ZNF460: variants seen among roughly 807,000 people sequenced by gnomAD.
ZNF460 encodes zinc finger protein 460.
Under a neutral mutation model 8.4 loss-of-function variants are expected in ZNF460, and 1 was observed. That is an observed-to-expected ratio of 0.12 (90% confidence interval 0.04 to 0.56). The LOEUF (loss-of-function observed/expected upper bound fraction) is 0.56, where lower values mean the gene tolerates loss of function less well. Among genes scored for constraint, ZNF460 ranks in the 20% least tolerant of loss-of-function variants. The pLI is 0.91. For missense variants in ZNF460, 477 were observed against 714.8 expected (o/e 0.67, Z 3.79); for synonymous variants, 262 against 259.9 (o/e 1.01, Z -0.08).
In ZNF460 at chr19:57,283,861, C is replaced by T. The variant is rs148695454; in HGVS notation, c.31-690C>T. On this transcript the variant is annotated intron_variant, in intron 1 of 2. Transcript: ENST00000360338. Reference sequence around the variant, plus strand: ...TATTGACCTGGAAATGGAGGCTCGGCGAAATGAAATGAGGTCCCCAAGGTC... The same window carrying T: ...TATTGACCTGGAAATGGAGGCTCGGTGAAATGAAATGAGGTCCCCAAGGTC... 2.0e-3 allele frequency among the ~76,000 whole-genome samples: 305 copies of T among 152,064 alleles called. 1 individual carries two copies. Among genetic ancestry groups the T allele is most frequent in the East Asian group, 9.5e-3 (49 of 5,158 alleles).
At chr19:57,288,463 G>A (rs1264651612) in intron 2 of ZNF460, among the ~76,000 whole-genome samples, 6 of 152,260 alleles carry the variant, frequency 3.9e-5, no homozygotes, top group South Asian at 2.1e-4. Context: ...CAAATGTAAC[G>A]GGATTACAGG....
upstream of ZNF460, chr19:57,280,297 G>T: frequency 6.4e-6 from 1 of 156,586 alleles, no homozygotes. Flanking sequence ...GGATGCGCTG[G>T]GTGAGTTCCC....
At chr19:57,288,462 C>T (rs1165873300) in intron 2 of ZNF460, among the ~76,000 whole-genome samples, 1 of 152,150 alleles carries the variant, frequency 6.6e-6, no homozygotes, top group Non-Finnish European at 1.5e-5. Context: ...CCAAATGTAA[C>T]GGGATTACAG....
In ZNF460 at chr19:57,292,136, T is replaced by C; in HGVS notation, c.1595T>C (p.Val532Ala). The C allele has an allele frequency of 6.2e-7, 1 of 1,614,192 alleles. No individual in the cohort carries two copies. The highest frequency in any genetic ancestry group is 8.5e-7 in the Non-Finnish European group (1 of 1,180,036). ...ATCATCCACACTGAGAGTAGCCCAG[T>C]GAGTGCAGTGAATATGGAAACGCCT... is the stretch of plus-strand genomic sequence containing the variant. ...HSIIHTESSP[V>A]SAVNMETPSI... The change falls in exon 3 of 3, where the codon GTG becomes GCG. Residue 532 changes from valine to alanine, a missense_variant. Val to Ala is a moderately conservative substitution (Grantham distance 64). Around this residue, in one of 5 missense-constraint regions of ZNF460, gnomAD observed 83 missense variants for 82.3 expected, o/e 1.01. Transcript: ENST00000360338.
At chr19:57,286,058 T>C (rs973241999) in intron 2 of ZNF460, among the ~76,000 whole-genome samples, 3 of 152,248 alleles carry the variant, frequency 2.0e-5, no homozygotes, top group African/African-American at 7.2e-5. Flanking sequence ...TGCCTCAATT[T>C]TCTCATGGGT....
intron 2 of ZNF460, among the ~76,000 whole-genome samples, chr19:57,286,687 A>C (rs2087881632): frequency 6.6e-6 from 1 of 152,034 alleles, no homozygotes; most frequent in Admixed American, 6.6e-5. Context: ...CCAGGCCAGG[A>C]GTGGTGGCTC....
intron 1 of ZNF460, among the ~76,000 whole-genome samples, chr19:57,282,520 G>A (rs1271524356): frequency 1.3e-5 from 2 of 152,214 alleles, no homozygotes; most frequent in African/African-American, 4.8e-5. Context: ...TCTTTGGTGA[G>A]GTGGATGATG....
rs969326878 is a variant in ZNF460 at position 57,280,567 on chromosome 19, C to T, written c.-240C>T. On this transcript the variant is annotated 5_prime_UTR_variant, in exon 1 of 3. Coordinates refer to ENST00000360338, the MANE Select transcript of ZNF460 (RefSeq NM_006635.4). ...GGGTAGTGAAGCGGTTACGCCCCTT[C>T]TTCGCGTCTTGGCGGGAGCCTGACG... 3.4e-6 allele frequency: 2 copies of T among 589,198 alleles called. No homozygotes were observed. Among genetic ancestry groups the T allele is most frequent in the Non-Finnish European group, 6.0e-6 (2 of 332,102 alleles). 36.5% of individuals were successfully genotyped at this position (589,198 alleles called of 1,614,324 possible). A position where few individuals can be genotyped will look rare whatever the true frequency, so the allele number is the denominator to read the frequency against.
rs1382183694 is a variant in ZNF460, at chr19:57,292,158, G to A, written c.1617G>A (p.Thr539=). 4 of 1,614,040 alleles carry A rather than the reference G, an allele frequency of 2.5e-6. No homozygotes were observed. The highest frequency in any genetic ancestry group is 2.2e-5 in the East Asian group (1 of 44,884). Residue 539 remains threonine (T), a synonymous_variant, in exon 3 of 3, where the codon ACG becomes ACA. Transcript: ENST00000360338. ...CAGTGAGTGCAGTGAATATGGAAAC[G>A]CCTTCAATTGCCGCTCATTCCTCCT... is the stretch of plus-strand genomic sequence containing the variant. ...SSPVSAVNME[T]PSIAAHSSSL...
At chr19:57,284,415 A>G (rs74345217) in intron 1 of ZNF460, 136 bp from the exon 2 acceptor site, 43,568 of 1,074,486 alleles carry the variant, frequency 0.041, 1,184 homozygotes, top group Admixed American at 0.052. Flanking sequence ...ATCCTAGCAC[A>G]GATCTTGGCC....
Position 57,292,092 on chromosome 19 carries a change from A to C in ZNF460, c.1551A>C (p.Thr517=). 6.2e-7 allele frequency: 1 copy of C among 1,614,220 alleles called. No homozygotes were observed. Among genetic ancestry groups the C allele is most frequent in the Non-Finnish European group, 8.5e-7 (1 of 1,180,034 alleles). ...IQSGNVSCES[T]DLIQHSIIHT... ...GTGGGAACGTTTCTTGTGAGAGCACAGATCTCATTCAACACTCCATCATCC... is the reference window on the plus strand; with the variant it reads ...GTGGGAACGTTTCTTGTGAGAGCACCGATCTCATTCAACACTCCATCATCC... The change falls in exon 3 of 3, where the codon ACA becomes ACC. Residue 517 remains threonine (T), a synonymous_variant. Coordinates refer to ENST00000360338, the MANE Select transcript of ZNF460 (RefSeq NM_006635.4).
At chr19:57,289,741 G>A (rs976948000) in intron 2 of ZNF460, among the ~76,000 whole-genome samples, 1 of 151,926 alleles carries the variant, frequency 6.6e-6, no homozygotes, top group African/African-American at 2.4e-5. Context: ...GGTGGGTCAC[G>A]CCTGTAATCC....
chr19:57,283,591 T>A (rs1326687546), intron 1 of ZNF460, among the ~76,000 whole-genome samples: 4 of 137,276 alleles, frequency 2.9e-5, no homozygotes, highest in African/African-American at 1.1e-4. Context: ...AACCTCTGCC[T>A]CCCAGGTTCA....
At chr19:57,287,224 A>G (rs1190745531) in intron 2 of ZNF460, among the ~76,000 whole-genome samples, 1 of 152,142 alleles carries the variant, frequency 6.6e-6, no homozygotes, top group African/African-American at 2.4e-5. Context: ...TGAGGTGTTT[A>G]TATACAGTCG....
intron 2 of ZNF460, among the ~76,000 whole-genome samples, chr19:57,289,161 A>T (rs566127276): frequency 7.2e-5 from 11 of 152,142 alleles, no homozygotes; most frequent in Non-Finnish European, 1.6e-4. Context: ...CTTTTTCAAG[A>T]TCCAGTTGTT....
rs2087865363 is a variant in ZNF460 at position 57,284,533 on chromosome 19, T to G, written c.31-18T>G. The G allele has an allele frequency of 1.2e-6, 2 of 1,608,134 alleles. No homozygotes were observed. Among genetic ancestry groups the G allele is most frequent in the Admixed American group, 1.7e-5 (1 of 58,310 alleles). ...ACAGTTGCAAAGGAAACATTACTGG[T>G]TCTTTTTGACTTTTCAGGAGTCTGT... On this transcript the variant is annotated intron_variant, in intron 1 of 2. Transcript: ENST00000360338.
Position 57,280,745 on chromosome 19 carries a change from C to T in ZNF460, c.-62C>T. The T allele has an allele frequency of 6.2e-7, 1 of 1,606,046 alleles. No individual in the cohort carries two copies. Among genetic ancestry groups the T allele is most frequent in the Non-Finnish European group, 8.5e-7 (1 of 1,175,918 alleles). On this transcript the variant is annotated 5_prime_UTR_variant, in exon 1 of 3. Transcript: ENST00000360338. ...CTGAGGCTCGGAGTGCGAAAGTCAGCCGAGGTCGCCCCGCCCAGGACAGAG... is the reference window on the plus strand; with the variant it reads ...CTGAGGCTCGGAGTGCGAAAGTCAGTCGAGGTCGCCCCGCCCAGGACAGAG...
Position 57,280,704 on chromosome 19 carries a change from T to G in ZNF460, c.-103T>G. On this transcript the variant is annotated 5_prime_UTR_variant, in exon 1 of 3. It adds an upstream start codon to the 5' untranslated region. Coordinates refer to ENST00000360338, the MANE Select transcript of ZNF460 (RefSeq NM_006635.4). ...GCTGCGCCTTGGGCCTTGTGCGCAT[T>G]TTTTTCGGGGGAAAACTGAGGCTCG... is the stretch of plus-strand genomic sequence containing the variant. 6.5e-7 allele frequency: 1 copy of G among 1,538,342 alleles called. No homozygotes were observed. Among genetic ancestry groups the G allele is most frequent in the Non-Finnish European group, 8.8e-7 (1 of 1,132,746 alleles).
chr19:57,283,649 G>C (rs1231708843), intron 1 of ZNF460, among the ~76,000 whole-genome samples: 1 of 150,904 alleles, frequency 6.6e-6, no homozygotes, highest in Non-Finnish European at 1.5e-5. Flanking sequence ...TTGCAGGCTT[G>C]TGCCACCACA....
Sources: gnomAD v4.1 joint callset for allele counts (sites outside exome capture counted in the v4.1 genomes callset) on GRCh38, gnomAD v4.1.1 for gene constraint, gnomAD v4.1.1 regional missense constraint, MANE v1.5 for transcripts, NCBI Gene and HGNC (gene_info 2026-07-23, HGNC 2026-07-21) for gene names.